ABHD2: variants seen among roughly 807,000 people sequenced by gnomAD.
The protein encoded by ABHD2 is abhydrolase domain containing 2, acylglycerol lipase.
In ABHD2, 20 loss-of-function variants were observed where a neutral mutation model predicts 48.1. The observed-to-expected ratio is 0.42, with a 90% CI of 0.29 to 0.60. The LOEUF (loss-of-function observed/expected upper bound fraction) is 0.60, where lower values mean the gene tolerates loss of function less well. ABHD2 is among the 20% of genes least tolerant of loss of function. The pLI, the probability that ABHD2 is intolerant of heterozygous loss-of-function variation, is 0.24. For synonymous variants in ABHD2, 209 were observed against 214.2 expected (o/e 0.98, Z 0.21); for missense variants, 405 against 550.9 (o/e 0.74, Z 2.65).
chr15:89,105,107 A>G (rs2049763088), intron 1 of ABHD2, among the ~76,000 whole-genome samples: 1 of 152,252 alleles, frequency 6.6e-6, no homozygotes, highest in African/African-American at 2.4e-5. Flanking sequence ...TGAAAGAGAA[A>G]ACAATTTTGC....
rs78064418 is a variant in ABHD2, at chr15:89,176,719, C to A, written c.722+724C>A. 1.3e-5 allele frequency among the ~76,000 whole-genome samples: 2 copies of A among 152,130 alleles called. No homozygotes were observed. Among genetic ancestry groups the A allele is most frequent in the Non-Finnish European group, 2.9e-5 (2 of 68,026 alleles). On this transcript the variant is annotated intron_variant, in intron 6 of 10. Transcript: ENST00000352732. This position sits in a 1 kb window ranked among gnomAD's most constrained non-coding sequence, Gnocchi z 4.5. ...TATACACACACCTCTCCAGGCTCTT[C>A]AAATACATTCATATTTTTTTCTGTA...
chr15:89,193,378 G>T (rs1473811839), intron 10 of ABHD2, 59 bp downstream of exon 10: 5 of 1,382,460 alleles, frequency 3.6e-6, no homozygotes, highest in Middle Eastern at 1.8e-4. Flanking sequence ...AGTAAATTCT[G>T]TCACCTTCAC....
chr15:89,192,999 T>G (rs745935030), intron 9 of ABHD2, among the ~76,000 whole-genome samples: 1 of 152,208 alleles, frequency 6.6e-6, no homozygotes, highest in Non-Finnish European at 1.5e-5. Context: ...CTGATGATTA[T>G]CAGGAAGCTT....
At chr15:89,064,200 T>G in the ABHD2 span, among the ~76,000 whole-genome samples, 3 of 150,424 alleles carry the variant, frequency 2.0e-5, no homozygotes, top group East Asian at 5.9e-4. Context: ...TTGTATGTAT[T>G]TATATATAAC....
In ABHD2 at chr15:89,092,148, G is replaced by A. The variant is rs1228474622; in HGVS notation, c.-107+3585G>A. ...GTTTTCTGTTTGTAAAATGGTTGGT[G>A]TGGACAGACGATAAGCTCCACCATT... On this transcript the variant is annotated intron_variant, in intron 1 of 10. Coordinates refer to ENST00000352732, the MANE Select transcript of ABHD2 (RefSeq NM_152924.5). This position sits in a 1 kb window ranked among gnomAD's most constrained non-coding sequence, Gnocchi z 4.4. Among the ~76,000 whole-genome samples, 1 of 152,218 alleles carries A rather than the reference G, an allele frequency of 6.6e-6. No individual in the cohort carries two copies. Among genetic ancestry groups the A allele is most frequent in the African/African-American group, 2.4e-5 (1 of 41,450 alleles).
Position 89,185,307 on chromosome 15 carries a change from C to A in ABHD2, c.723-117C>A. The stretch of plus-strand genomic sequence containing the variant: ...AGCCTCTGTTTTAATGCAGAGGCCA[C>A]AGCCTGAGAGCCGGCCCTCTCCACA... On this transcript the variant is annotated intron_variant, in intron 6 of 10. Transcript: ENST00000352732. The surrounding 1 kb of genome is among the most constrained non-coding windows in gnomAD (Gnocchi z 5.9). 1 of 704,720 alleles carries A rather than the reference C, an allele frequency of 1.4e-6. No individual in the cohort carries two copies. Among genetic ancestry groups the A allele is most frequent in the Non-Finnish European group, 2.4e-6 (1 of 409,478 alleles). 43.7% of individuals were successfully genotyped at this position (704,720 alleles called of 1,614,324 possible). A position where few individuals can be genotyped will look rare whatever the true frequency, so the allele number is the denominator to read the frequency against.
At position 89,163,847 on chromosome 15, in the gene ABHD2, C is replaced by T. The variant is rs1380050733; in HGVS notation, c.538+8313C>T. The stretch of plus-strand genomic sequence containing the variant: ...TTTTACAGGTGAGGAAACTGAGGCC[C>T]GACAAGGATGACTGACTTGCTCTAA... On this transcript the variant is annotated intron_variant, in intron 5 of 10. Transcript: ENST00000352732. 7.2e-5 allele frequency among the ~76,000 whole-genome samples: 11 copies of T among 152,258 alleles called. No individual in the cohort carries two copies. The East Asian group carries it at 1.5e-3, about 21-fold the overall frequency.
rs557543809 is a variant in ABHD2 at position 89,100,490 on chromosome 15, C to T, written c.-107+11927C>T. On this transcript the variant is annotated intron_variant, in intron 1 of 10. Transcript: ENST00000352732. The surrounding 1 kb of genome is among the most constrained non-coding windows in gnomAD (Gnocchi z 4.4). ...GATCCTGCAAGTAGCCTCTCTACCC[C>T]ACCACCAATGTACATCTACAGAAAG... Among the ~76,000 whole-genome samples, 2 of 152,246 alleles carry T rather than the reference C, an allele frequency of 1.3e-5. No homozygotes were observed. Among genetic ancestry groups the T allele is most frequent in the South Asian group, 4.1e-4 (2 of 4,822 alleles).
intron 6 of ABHD2, among the ~76,000 whole-genome samples, chr15:89,180,747 G>T (rs1324975855): frequency 2.0e-5 from 3 of 152,156 alleles, no homozygotes; most frequent in Admixed American, 6.5e-5. Context: ...TCTGCAGGCT[G>T]GGCTGGTCCT....
chr15:89,078,283 A>G, the ABHD2 span, among the ~76,000 whole-genome samples: 450 of 152,318 alleles, frequency 3.0e-3, 4 homozygotes, highest in South Asian at 0.019. Context: ...TTCTCTGAAC[A>G]TTGCCTCCAG....
intron 5 of ABHD2, among the ~76,000 whole-genome samples, chr15:89,156,417 C>T (rs8037850): frequency 6.6e-6 from 1 of 151,900 alleles, no homozygotes; most frequent in South Asian, 2.1e-4. Flanking sequence ...CACCGCGCCC[C>T]GCCTTTTTAT....
At chr15:89,103,113 T>C (rs941102330) in intron 1 of ABHD2, among the ~76,000 whole-genome samples, 4 of 152,214 alleles carry the variant, frequency 2.6e-5, no homozygotes, top group African/African-American at 9.6e-5. Context: ...TTCGAGTTTT[T>C]AGTTTTTAGA....
At chr15:89,101,673 T>G (rs2049702862) in intron 1 of ABHD2, among the ~76,000 whole-genome samples, 1 of 152,242 alleles carries the variant, frequency 6.6e-6, no homozygotes, top group South Asian at 2.1e-4. Context: ...ATCACTTTTA[T>G]GCAGAGAAGA....
intron 3 of ABHD2, chr15:89,136,227 C>G (rs1256264071): frequency 6.3e-6 from 2 of 318,764 alleles, no homozygotes; most frequent in Non-Finnish European, 1.2e-5. Context: ...CCACACCCAG[C>G]CTGAACGTCT....
the ABHD2 span, among the ~76,000 whole-genome samples, chr15:89,042,806 C>A: frequency 1.3e-5 from 2 of 151,694 alleles, no homozygotes; most frequent in Non-Finnish European, 2.9e-5. Context: ...GCCACAAAGC[C>A]TGGCTAATTT....
chr15:89,083,251 TA>T (rs543092003), upstream of ABHD2, among the ~76,000 whole-genome samples: 2 of 152,188 alleles, frequency 1.3e-5, no homozygotes, highest in Non-Finnish European at 2.9e-5. The surrounding 1 kb of genome is among the most constrained non-coding windows in gnomAD (Gnocchi z 5.1). Context: ...CTCAATAACA[TA>T]AAATTATGTA....
the ABHD2 span, among the ~76,000 whole-genome samples, chr15:89,051,635 G>A: frequency 5.3e-5 from 8 of 152,154 alleles, no homozygotes; most frequent in East Asian, 1.9e-4. Flanking sequence ...GGTCTTTCCC[G>A]TGTTGTTCTC....
rs1033579718 is a variant in ABHD2, at chr15:89,108,238, T to A, written c.-106-5487T>A. Among the ~76,000 whole-genome samples, 4 of 152,214 alleles carry A rather than the reference T, an allele frequency of 2.6e-5. No individual in the cohort carries two copies. The East Asian group carries it at 7.7e-4, about 29-fold the overall frequency. On this transcript the variant is annotated intron_variant, in intron 1 of 10. Transcript: ENST00000352732. Reference sequence around the variant, plus strand: ...TGAAAACAGGTTTTACAAGGTTGGCTCCTTCCTTAGGCTCTGAAGGCAAGA... The same window carrying A: ...TGAAAACAGGTTTTACAAGGTTGGCACCTTCCTTAGGCTCTGAAGGCAAGA...
Position 89,155,123 on chromosome 15 carries a change from T to G in ABHD2, c.371-244T>G, listed in dbSNP as rs1408832293. ...TTTCCAGTAATTAACTTCTATTGTC[T>G]TTTCAAAAGTATCTGTTCATGACTT... is the stretch of plus-strand genomic sequence containing the variant. On this transcript the variant is annotated intron_variant, in intron 4 of 10. Coordinates refer to ENST00000352732, the MANE Select transcript of ABHD2 (RefSeq NM_152924.5). The surrounding 1 kb of genome is among the most constrained non-coding windows in gnomAD (Gnocchi z 4.9). 2.0e-5 allele frequency among the ~76,000 whole-genome samples: 3 copies of G among 150,754 alleles called. No individual in the cohort carries two copies. The highest frequency in any genetic ancestry group is 4.4e-5 in the Non-Finnish European group (3 of 68,046).
Sources: allele counts gnomAD v4.1 joint callset (sites outside exome capture counted in the v4.1 genomes callset), GRCh38; gene constraint gnomAD v4.1.1; non-coding constraint Gnocchi (gnomAD v3.1); transcripts MANE v1.5; gene names NCBI Gene and HGNC (gene_info 2026-07-23, HGNC 2026-07-21).